CACNA1S: variants seen among roughly 807,000 people sequenced by gnomAD.
CACNA1S encodes the protein calcium voltage-gated channel subunit alpha1 S.
Under a neutral mutation model 207.4 loss-of-function variants are expected in CACNA1S, and 126 were observed. That is an observed-to-expected ratio of 0.61 (90% CI 0.53 to 0.70). CACNA1S has a LOEUF of 0.70. CACNA1S is among the 30% of genes least tolerant of loss of function. The pLI is 0.00. For missense variants in CACNA1S, 2,349 were observed against 2,422.8 expected, an observed-to-expected ratio of 0.97 and a Z score of 0.64; for synonymous variants, 960 against 932.7, an observed-to-expected ratio of 1.03 and a Z score of -0.53.
intron 22 of CACNA1S, 152 bp from the exon 23 acceptor site, chr1:201,062,666 G>A: frequency 1.4e-6 from 1 of 722,906 alleles, no homozygotes; most frequent in Admixed American, 2.1e-5. Flanking sequence ...TCAGAGGCGT[G>A]AACTCGCCCT....
Position 201,048,594 on chromosome 1 carries a change from T to C in CACNA1S, c.4429A>G (p.Ile1477Val), listed in dbSNP as rs1660548064. ...AAGGCACTCTCACCTTCCGTCTTGA[T>C]CTTGAGTGCCGTGCGGACCAGGGCA... ...LFALVRTALK[I>V]KTEGNFEQAN... Residue 1477 changes from isoleucine to valine, a missense_variant, in exon 36 of 44, where the codon ATC (isoleucine) becomes GTC (valine). Ile to Val is a conservative substitution (Grantham distance 29). Coordinates refer to ENST00000362061, the MANE Select transcript of CACNA1S (RefSeq NM_000069.3). The C allele has an allele frequency of 6.2e-7, 1 of 1,613,388 alleles. No individual in the cohort carries two copies. The highest frequency in any genetic ancestry group is 1.3e-5 in the African/African-American group (1 of 74,930).
In CACNA1S at chr1:201,066,515, T is replaced by C. The variant is rs1221496879; in HGVS notation, c.2658-199A>G. On this transcript the variant is annotated intron_variant, in intron 20 of 43. Transcript: ENST00000362061. This position sits in a 1 kb window ranked among gnomAD's most constrained non-coding sequence, Gnocchi z 4.3. Reference sequence around the variant, plus strand: ...ACAGCCACCCCTGCTATCTGGACCATGCTCTCATGGGTGTGTCATGAAGCA... The same window carrying C: ...ACAGCCACCCCTGCTATCTGGACCACGCTCTCATGGGTGTGTCATGAAGCA... Among the ~76,000 whole-genome samples the C allele has an allele frequency of 4.6e-5, 7 of 152,114 alleles. No individual in the cohort carries two copies. The highest frequency in any genetic ancestry group is 5.9e-5 in the Non-Finnish European group (4 of 68,004).
At chr1:201,052,149 C>T (rs533650556) in intron 32 of CACNA1S, among the ~76,000 whole-genome samples, 31 of 152,360 alleles carry the variant, frequency 2.0e-4, no homozygotes, top group South Asian at 1.2e-3. Context: ...TAGGCCCCTG[C>T]GCCCTACCTG....
intron 22 of CACNA1S, 84 bp from the exon 23 acceptor site, chr1:201,062,598 G>T: frequency 8.2e-7 from 1 of 1,217,404 alleles, no homozygotes; most frequent in Admixed American, 1.8e-5. Flanking sequence ...AGTGAACAGT[G>T]GAAGGGGGGA....
At position 201,053,652 on chromosome 1, in the gene CACNA1S, G is replaced by A. The variant is rs76527745; in HGVS notation, c.3667-65C>T. The A allele has an allele frequency of 9.2e-4, 1,388 of 1,512,376 alleles. 9 individuals carry two copies. The African/African-American group carries it at 0.014, about 15-fold the overall frequency. The allele number at this position is 1,512,376 out of a possible 1,614,324, so 93.7% of individuals were successfully genotyped here. A position where few individuals can be genotyped will look rare whatever the true frequency, so the allele number is the denominator to read the frequency against. ...ACCTCAGAGGGGTAAGGGGCAGGGC[G>A]GGGAGGGAGGTGCACTGTGTGTTTT... On this transcript the variant is annotated intron_variant, in intron 29 of 43. Transcript: ENST00000362061. The surrounding 1 kb of genome is among the most constrained non-coding windows in gnomAD (Gnocchi z 5.1).
chr1:201,050,951 C>T, intron 33 of CACNA1S, 33 bp downstream of exon 33: 1 of 1,612,432 alleles, frequency 6.2e-7, no homozygotes, highest in Non-Finnish European at 8.5e-7. Context: ...TATCAAAGCC[C>T]TCTCCCTGCC....
intron 6 of CACNA1S, among the ~76,000 whole-genome samples, chr1:201,088,689 T>A (rs1662118362): frequency 6.6e-6 from 1 of 152,188 alleles, no homozygotes. Flanking sequence ...ATGCCTTCCA[T>A]CATTGAAGGA....
Position 201,066,479 on chromosome 1 carries a change from G to T in CACNA1S, c.2658-163C>A, listed in dbSNP as rs2297901. 0.24 allele frequency among the ~76,000 whole-genome samples: 36,084 copies of T among 151,776 alleles called. 6,535 individuals carry two copies. Among genetic ancestry groups the T allele is most frequent in the African/African-American group, 0.5 (20,547 of 41,310 alleles). On this transcript the variant is annotated intron_variant, in intron 20 of 43. Coordinates refer to ENST00000362061, the MANE Select transcript of CACNA1S (RefSeq NM_000069.3). The surrounding 1 kb of genome is among the most constrained non-coding windows in gnomAD (Gnocchi z 4.3). The stretch of plus-strand genomic sequence containing the variant: ...TTCCTCCAGCCGTGAGAGTGTGCCC[G>T]ACTCCAGGGCACAGCCACCCCTGCT...
intron 8 of CACNA1S, 57 bp downstream of exon 8, chr1:201,085,379 T>A: frequency 6.2e-7 from 1 of 1,610,938 alleles, no homozygotes; most frequent in Non-Finnish European, 8.5e-7. Flanking sequence ...AAGGTATGAC[T>A]CAGAGGTGGG....
chr1:201,053,442 C>T lies in CACNA1S; in HGVS notation c.3795+17G>A, dbSNP rs781365363. 1.2e-6 allele frequency: 2 copies of T among 1,614,146 alleles called. No individual in the cohort carries two copies. The highest frequency in any genetic ancestry group is 1.1e-5 in the South Asian group (1 of 91,078). ...GGCCTCCCCAGGTACGTGCAGTTTC[C>T]AGGGTCCCTGTTGCACCTGGAAGGA... On this transcript the variant is annotated intron_variant, in intron 30 of 43. Coordinates refer to ENST00000362061, the MANE Select transcript of CACNA1S (RefSeq NM_000069.3). This position sits in a 1 kb window ranked among gnomAD's most constrained non-coding sequence, Gnocchi z 5.1.
chr1:201,050,892 G>A, intron 33 of CACNA1S, 92 bp downstream of exon 33: 1 of 1,317,200 alleles, frequency 7.6e-7, no homozygotes, highest in Non-Finnish European at 1.1e-6. Context: ...TCCCAGGAGA[G>A]GTGGAAACTG....
intron 36 of CACNA1S, 85 bp downstream of exon 36, chr1:201,048,497 C>T: frequency 8.5e-7 from 1 of 1,180,158 alleles, no homozygotes. Flanking sequence ...TAAGAGCAAT[C>T]TTGAGCTCTG....
chr1:201,052,021 A>G (rs1426737665), intron 32 of CACNA1S, among the ~76,000 whole-genome samples: 2 of 152,104 alleles, frequency 1.3e-5, no homozygotes, highest in Non-Finnish European at 2.9e-5. Context: ...TCAGTAGAGC[A>G]TTCCACTGTG....
rs776591126 is a variant in CACNA1S at position 201,062,124 on chromosome 1, A to G, written c.2907-34T>C. ...GGGAGGCCCAGTCACTCCACAGGGCATGGCTGGGCTGCCTTGCCCCACCCA... is the reference window on the plus strand; with the variant it reads ...GGGAGGCCCAGTCACTCCACAGGGCGTGGCTGGGCTGCCTTGCCCCACCCA... On this transcript the variant is annotated intron_variant, in intron 23 of 43. Coordinates refer to ENST00000362061, the MANE Select transcript of CACNA1S (RefSeq NM_000069.3). 10 of 1,608,532 alleles carry G rather than the reference A, an allele frequency of 6.2e-6. 1 individual carries two copies. The South Asian group carries it at 6.6e-5, about 11-fold the overall frequency.
intron 24 of CACNA1S, 58 bp downstream of exon 24, chr1:201,061,886 G>C (rs763979619): frequency 1.3e-6 from 2 of 1,599,388 alleles, no homozygotes; most frequent in Non-Finnish European, 8.6e-7. Flanking sequence ...GGGCAGGCTG[G>C]CTGCCTGGTC....
At chr1:201,070,429 G>T (rs777526165) in intron 16 of CACNA1S, 25 bp from the exon 17 acceptor site, 1 of 1,613,120 alleles carries the variant, frequency 6.2e-7, no homozygotes, top group South Asian at 1.1e-5. Context: ...AGAGGAATTA[G>T]GGGTGTCTTC....
rs746278102 is a variant in CACNA1S, at chr1:201,059,303, T to A, written c.3415-4A>T. On this transcript the variant is annotated splice_polypyrimidine_tract_variant and splice_region_variant and intron_variant, in intron 26 of 43. Coordinates refer to ENST00000362061, the MANE Select transcript of CACNA1S (RefSeq NM_000069.3). Reference sequence around the variant, plus strand: ...TCTGCTCCGACTGGTTGTAGTGCTGTGGAGGGGACACAGGAGCAGTGGGTC... The same window carrying A: ...TCTGCTCCGACTGGTTGTAGTGCTGAGGAGGGGACACAGGAGCAGTGGGTC... 6.2e-7 allele frequency: 1 copy of A among 1,604,188 alleles called. No individual in the cohort carries two copies. The highest frequency in any genetic ancestry group is 1.3e-5 in the African/African-American group (1 of 74,706).
chr1:201,075,767 TCCCCAAAAC>T, intron 12 of CACNA1S, 152 bp from the exon 13 acceptor site: 4 of 821,186 alleles, frequency 4.9e-6, no homozygotes. Context: ...GCCCCTGCTA[TCCCCAAAAC>T]CCCTATTCCA....
At chr1:201,083,406 G>A (rs1661914998) in intron 9 of CACNA1S, 84 bp from the exon 10 acceptor site, 1 of 1,443,560 alleles carries the variant, frequency 6.9e-7, no homozygotes, top group African/African-American at 1.4e-5. Flanking sequence ...CAAACTCCAG[G>A]CATGCGTAGC....
Sources: allele counts gnomAD v4.1 joint callset (sites outside exome capture counted in the v4.1 genomes callset), GRCh38; gene constraint gnomAD v4.1.1; non-coding constraint Gnocchi (gnomAD v3.1); transcripts MANE v1.5; gene names NCBI Gene and HGNC (gene_info 2026-07-23, HGNC 2026-07-21).